Variants in DAB1 observed in about 807,000 individuals in gnomAD.
DAB1 encodes the protein DAB adaptor protein 1.
A neutral mutation model predicts 64.6 loss-of-function variants in DAB1; 15 were observed. The observed-to-expected ratio is 0.23, with a 90% CI of 0.16 to 0.36. The LOEUF is 0.36. Among genes scored for constraint, DAB1 ranks in the 10% least tolerant of loss-of-function variants. The probability of loss-of-function intolerance (pLI) is 1.00; values close to 1 mark genes in which losing one functional copy is unlikely to be tolerated. For synonymous variants in DAB1, 235 were observed against 251.9 expected (o/e 0.93, Z 0.64); for missense variants, 596 against 706.7 (o/e 0.84, Z 1.78).
Position 56,996,695 on chromosome 1 carries a change from G to C in DAB1, c.*1449C>G, listed in dbSNP as rs1321304581. 1 of 152,358 alleles carries C rather than the reference G, an allele frequency of 6.6e-6. No homozygotes were observed. Among genetic ancestry groups the C allele is most frequent in the Non-Finnish European group, 1.5e-5 (1 of 68,046 alleles). The allele number at this position is 152,358 out of a possible 1,614,324, so 9.4% of individuals were successfully genotyped here. ...TCACGTGCTCCCTTCCCGTTCACTA[G>C]CTGCTGATTGGCCAACTGCTCCTGC... On this transcript the variant is annotated 3_prime_UTR_variant, in exon 15 of 15. Transcript: ENST00000371236.
intron 4 of DAB1, among the ~76,000 whole-genome samples, chr1:58,250,329 C>T (rs1660750676): frequency 6.6e-6 from 1 of 152,216 alleles, no homozygotes; most frequent in Non-Finnish European, 1.5e-5. Flanking sequence ...GCTTTTGTTC[C>T]CTGGGGCTGG....
chr1:58,044,919 C>T (rs548344935), intron 5 of DAB1, among the ~76,000 whole-genome samples: 6 of 152,160 alleles, frequency 3.9e-5, no homozygotes, highest in African/African-American at 1.2e-4. Context: ...TGTGAGAAAA[C>T]CACGATTCAT....
At chr1:58,400,787 T>C (rs1644562285) in intron 3 of DAB1, among the ~76,000 whole-genome samples, 1 of 152,098 alleles carries the variant, frequency 6.6e-6, no homozygotes, top group South Asian at 2.1e-4. Flanking sequence ...ATGAAATATA[T>C]AAGTATAATT....
intron 7 of DAB1, among the ~76,000 whole-genome samples, chr1:57,502,318 CA>C (rs10649147): frequency 1.3e-3 from 122 of 94,236 alleles, no homozygotes; most frequent in Admixed American, 2.2e-3. Flanking sequence ...GAGTCCGTCT[CA>C]AAAAAAAAAA....
chr1:57,158,816 A>T (rs1660478063), intron 2 of DAB1, among the ~76,000 whole-genome samples: 1 of 152,232 alleles, frequency 6.6e-6, no homozygotes. Context: ...TATTGCTAAA[A>T]GGTAAACTAA....
At chr1:58,235,604 C>T (rs1659987127) in intron 4 of DAB1, among the ~76,000 whole-genome samples, 1 of 152,070 alleles carries the variant, frequency 6.6e-6, no homozygotes, top group South Asian at 2.1e-4. Flanking sequence ...GCAATTATGG[C>T]AAAATGATCT....
At chr1:57,143,921 T>C (rs1464129781) in intron 3 of DAB1, among the ~76,000 whole-genome samples, 1 of 151,572 alleles carries the variant, frequency 6.6e-6, no homozygotes, top group East Asian at 1.9e-4. Context: ...TGTATATGTA[T>C]ATGTATATAT....
intron 1 of DAB1, among the ~76,000 whole-genome samples, chr1:57,292,030 T>G (rs375629930): frequency 1.3e-3 from 196 of 152,322 alleles, no homozygotes; most frequent in African/African-American, 4.5e-3. Context: ...GATAGTTATA[T>G]CTGAGAGTTC....
At chr1:58,085,295 T>C (rs533904540) in intron 5 of DAB1, among the ~76,000 whole-genome samples, 3 of 152,222 alleles carry the variant, frequency 2.0e-5, no homozygotes, top group Non-Finnish European at 4.4e-5. Context: ...GTCCTTAGTA[T>C]AGGTGAGCAA....
At chr1:58,331,772 G>A (rs141298579) in intron 4 of DAB1, among the ~76,000 whole-genome samples, 18 of 152,320 alleles carry the variant, frequency 1.2e-4, no homozygotes, top group African/African-American at 4.1e-4. Context: ...ACACTTAACA[G>A]ACTACAGTAT....
intron 6 of DAB1, among the ~76,000 whole-genome samples, chr1:57,777,970 T>C (rs978583771): frequency 5.3e-5 from 8 of 152,084 alleles, no homozygotes; most frequent in Non-Finnish European, 8.8e-5. Context: ...TTTTTGAAGT[T>C]TGCTATGACA....
At chr1:57,173,666 G>A (rs1182098193) in intron 2 of DAB1, among the ~76,000 whole-genome samples, 1 of 152,076 alleles carries the variant, frequency 6.6e-6, no homozygotes, top group Non-Finnish European at 1.5e-5. Context: ...AAACAAAAAT[G>A]GTCTTTCTCT....
At chr1:57,099,754 C>T (rs1467348633) in intron 4 of DAB1, among the ~76,000 whole-genome samples, 2 of 152,134 alleles carry the variant, frequency 1.3e-5, no homozygotes, top group Admixed American at 1.3e-4. Context: ...AAGGCACTTC[C>T]CTTTGGGGTG....
chr1:57,380,537 A>C (rs1681283459), intron 1 of DAB1, among the ~76,000 whole-genome samples: 3 of 152,206 alleles, frequency 2.0e-5, no homozygotes, highest in Non-Finnish European at 4.4e-5. Flanking sequence ...CCTGGAACAT[A>C]GTGACAATGA....
At chr1:58,234,747 T>C (rs1659939496) in intron 4 of DAB1, among the ~76,000 whole-genome samples, 1 of 152,158 alleles carries the variant, frequency 6.6e-6, no homozygotes, top group East Asian at 1.9e-4. Context: ...TCAGACTTCC[T>C]GGGCCAGATC....
At chr1:57,470,293 T>G (rs1687093017) in intron 7 of DAB1, among the ~76,000 whole-genome samples, 1 of 152,230 alleles carries the variant, frequency 6.6e-6, no homozygotes, top group Non-Finnish European at 1.5e-5. Context: ...AATGTTTTGC[T>G]TTGTTTCTTT....
chr1:58,420,472 T>C (rs1644761224), intron 3 of DAB1, among the ~76,000 whole-genome samples: 1 of 152,226 alleles, frequency 6.6e-6, no homozygotes, highest in Non-Finnish European at 1.5e-5. Context: ...GCATGTATTT[T>C]GCATGAGTGT....
intron 3 of DAB1, among the ~76,000 whole-genome samples, chr1:58,353,779 C>T (rs1644081529): frequency 6.6e-6 from 1 of 151,622 alleles, no homozygotes; most frequent in African/African-American, 2.4e-5. Flanking sequence ...GTGCAAGGAA[C>T]TATAAAAGGA....
chr1:57,845,234 G>A (rs1653227726), intron 1 of DAB1, among the ~76,000 whole-genome samples: 1 of 152,192 alleles, frequency 6.6e-6, no homozygotes, highest in African/African-American at 2.4e-5. Context: ...CTTTGGAGAA[G>A]TGGTCTGACA....
Sources: allele counts gnomAD v4.1 joint callset (sites outside exome capture counted in the v4.1 genomes callset), GRCh38; gene constraint gnomAD v4.1.1; transcripts MANE v1.5; gene names NCBI Gene and HGNC (gene_info 2026-07-23, HGNC 2026-07-21).